The following LRP1 variants were observed in gnomAD, a reference collection of about 807,000 sequenced individuals.
LRP1 encodes the protein LDL receptor related protein 1.
In LRP1, 51 loss-of-function variants were observed where a neutral mutation model predicts 541.5. The observed-to-expected ratio is 0.09, with a 90% CI of 0.08 to 0.12. LRP1 has a LOEUF of 0.12. Among genes scored for constraint, LRP1 ranks in the 10% least tolerant of loss-of-function variants. The pLI is 1.00. For missense variants in LRP1, 3,878 were observed against 6,376.2 expected (o/e 0.61, Z 13.34); for synonymous variants, 2,219 against 2,470.8 (o/e 0.90, Z 3.02).
Position 57,199,420 on chromosome 12 carries a change from GA to G in LRP1, c.9865+21del. On this transcript the variant is annotated intron_variant, in intron 61 of 88. Coordinates refer to ENST00000243077, the MANE Select transcript of LRP1 (RefSeq NM_002332.3). ...CAGACGGTGAGCAGGCAAGGGGTGGGAGCAGGCGAACGGTGAGCCAGGCACC... is the reference window on the plus strand; with the variant it reads ...CAGACGGTGAGCAGGCAAGGGGTGGGGCAGGCGAACGGTGAGCCAGGCACC... 1 of 1,601,284 alleles carries G rather than the reference GA, an allele frequency of 6.2e-7. No homozygotes were observed.
chr12:57,181,344 C>T (rs2036163253), intron 34 of LRP1, 53 bp downstream of exon 34: 1 of 1,565,826 alleles, frequency 6.4e-7, no homozygotes, highest in East Asian at 2.2e-5. Flanking sequence ...ACCCTGACCC[C>T]TCCTACCCTA....
At chr12:57,202,737 TCA>T (rs1447338658) in intron 68 of LRP1, 200 bp downstream of exon 68, 15 of 607,084 alleles carry the variant, frequency 2.5e-5, no homozygotes, top group Non-Finnish European at 3.0e-5. Context: ...CTCTCCATTT[TCA>T]CACTGTCCTC....
Position 57,177,827 on chromosome 12 carries a change from A to C in LRP1, c.4361+236A>C, listed in dbSNP as rs1347169321. ...CATCAGCTGTGGTTATTCACACTGT[A>C]CCATCCTCTCCACTCACCTGTCCTC... is the stretch of plus-strand genomic sequence containing the variant. On this transcript the variant is annotated intron_variant, in intron 26 of 88. Coordinates refer to ENST00000243077, the MANE Select transcript of LRP1 (RefSeq NM_002332.3). The surrounding 1 kb of genome is among the most constrained non-coding windows in gnomAD (Gnocchi z 6.8). 6.6e-6 allele frequency among the ~76,000 whole-genome samples: 1 copy of C among 151,796 alleles called. No homozygotes were observed. Among genetic ancestry groups the C allele is most frequent in the Non-Finnish European group, 1.5e-5 (1 of 67,966 alleles).
chr12:57,203,632 A>G, intron 70 of LRP1, 111 bp downstream of exon 70: 2 of 1,319,574 alleles, frequency 1.5e-6, no homozygotes, highest in Non-Finnish European at 2.0e-6. Context: ...CATGCAACAA[A>G]TATTTATTAA....
rs546688938 is a variant in LRP1, at chr12:57,173,304, G to T, written c.3300G>T (p.Val1100=). 1.4e-5 allele frequency: 22 copies of T among 1,613,980 alleles called. No individual in the cohort carries two copies. The highest frequency in any genetic ancestry group is 1.8e-5 in the Non-Finnish European group (21 of 1,179,994). Residue 1100 remains valine, a synonymous_variant, in exon 21 of 89, where the codon GTG becomes GTT. Coordinates refer to ENST00000243077, the MANE Select transcript of LRP1 (RefSeq NM_002332.3). The surrounding 1 kb of genome is among the most constrained non-coding windows in gnomAD (Gnocchi z 4.7). ...GCGATGAGAAGAGCTGTGAGGGAGT[G>T]ACCCACGTCTGCGATCCCAGTGTCA... is the stretch of plus-strand genomic sequence containing the variant. ...DSSDEKSCEG[V]THVCDPSVKF... is the part of the protein sequence containing the mutation.
chr12:57,201,367 A>G lies in LRP1; in HGVS notation c.10346-130A>G. On this transcript the variant is annotated intron_variant, in intron 65 of 88. Coordinates refer to ENST00000243077, the MANE Select transcript of LRP1 (RefSeq NM_002332.3). The surrounding 1 kb of genome is among the most constrained non-coding windows in gnomAD (Gnocchi z 6.4). ...AACAAAAAGCACCAAAACTGGGGATAAACTGTTCCTTCCTCCGAAGAAGTT... is the reference window on the plus strand; with the variant it reads ...AACAAAAAGCACCAAAACTGGGGATGAACTGTTCCTTCCTCCGAAGAAGTT... 1.4e-6 allele frequency: 2 copies of G among 1,433,800 alleles called. No individual in the cohort carries two copies. The highest frequency in any genetic ancestry group is 2.8e-5 in the African/African-American group (2 of 70,514). 88.8% of individuals were successfully genotyped at this position (1,433,800 alleles called of 1,614,324 possible).
intron 18 of LRP1, 24 bp from the exon 19 acceptor site, chr12:57,167,420 T>A (rs1841103990): frequency 1.3e-6 from 2 of 1,565,342 alleles, no homozygotes; most frequent in Admixed American, 1.7e-5. Flanking sequence ...AAGGCCCTAC[T>A]CAGCTACTCT....
intron 18 of LRP1, 45 bp downstream of exon 18, chr12:57,167,091 G>A (rs917007189): frequency 1.3e-6 from 2 of 1,530,452 alleles, no homozygotes; most frequent in Non-Finnish European, 9.0e-7. Flanking sequence ...CTGGGGGAGG[G>A]GCATCCTGAG....
chr12:57,145,825 G>A (rs865956078), intron 6 of LRP1, among the ~76,000 whole-genome samples: 24 of 152,128 alleles, frequency 1.6e-4, no homozygotes, highest in Non-Finnish European at 2.8e-4. Context: ...TGCAGTGGGA[G>A]CCAAGGCTAG....
Position 57,177,560 on chromosome 12 carries a change from C to A in LRP1, c.4330C>A (p.Leu1444Met), listed in dbSNP as rs773730300. 3.1e-6 allele frequency: 5 copies of A among 1,613,956 alleles called. No individual in the cohort carries two copies. The South Asian group carries it at 5.5e-5, about 18-fold the overall frequency. Reference sequence around the variant, plus strand: ...GCCCAACGGGCTCACCGTGGACTACCTGGAGAAGCGCATCCTTTGGATTGA... The same window carrying A: ...GCCCAACGGGCTCACCGTGGACTACATGGAGAAGCGCATCCTTTGGATTGA... ...GWPNGLTVDYLEKRILWIDAR... is the reference protein window; with the variant it reads ...GWPNGLTVDYMEKRILWIDAR... Residue 1444 changes from leucine to methionine, a missense_variant, in exon 26 of 89, where the codon CTG (leucine) becomes ATG (methionine). Leu to Met is a conservative substitution (Grantham distance 15). Around this residue, in one of 13 missense-constraint regions of LRP1, gnomAD observed 54 missense variants for 167.7 expected, o/e 0.32. Coordinates refer to ENST00000243077, the MANE Select transcript of LRP1 (RefSeq NM_002332.3). This position sits in a 1 kb window ranked among gnomAD's most constrained non-coding sequence, Gnocchi z 6.8.
At chr12:57,130,855 G>A (rs958447101) in intron 1 of LRP1, among the ~76,000 whole-genome samples, 8 of 152,058 alleles carry the variant, frequency 5.3e-5, no homozygotes, top group Non-Finnish European at 1.0e-4. Flanking sequence ...GTTCACCCAC[G>A]CCCCCTCTGT....
At chr12:57,176,409 C>T (rs1345791819) in intron 24 of LRP1, among the ~76,000 whole-genome samples, 1 of 152,212 alleles carries the variant, frequency 6.6e-6, no homozygotes, top group Non-Finnish European at 1.5e-5. Flanking sequence ...AGTGGCGTAC[C>T]TGAACGCTGC....
In LRP1 at chr12:57,154,453, C is replaced by T. The variant is rs144022751; in HGVS notation, c.1005-26C>T. 1 of 1,610,030 alleles carries T rather than the reference C, an allele frequency of 6.2e-7. No homozygotes were observed. The highest frequency in any genetic ancestry group is 8.5e-7 in the Non-Finnish European group (1 of 1,176,624). Reference sequence around the variant, plus strand: ...TAAGGAGGGTGCCCAATGTCCAGACCCCATTTAACATGCATCTTCCCACAG... The same window carrying T: ...TAAGGAGGGTGCCCAATGTCCAGACTCCATTTAACATGCATCTTCCCACAG... On this transcript the variant is annotated intron_variant, in intron 7 of 88. Transcript: ENST00000243077. This position sits in a 1 kb window ranked among gnomAD's most constrained non-coding sequence, Gnocchi z 4.6.
Position 57,179,211 on chromosome 12 carries a change from C to G in LRP1, c.4739-118C>G. 1.7e-6 allele frequency: 2 copies of G among 1,167,686 alleles called. No individual in the cohort carries two copies. Among genetic ancestry groups the G allele is most frequent in the Non-Finnish European group, 2.4e-6 (2 of 817,012 alleles). 72.3% of individuals were successfully genotyped at this position (1,167,686 alleles called of 1,614,324 possible). A position where few individuals can be genotyped will look rare whatever the true frequency, so the allele number is the denominator to read the frequency against. On this transcript the variant is annotated intron_variant, in intron 28 of 88. Transcript: ENST00000243077. The surrounding 1 kb of genome is among the most constrained non-coding windows in gnomAD (Gnocchi z 6.8). Reference sequence around the variant, plus strand: ...GGGGCTGCACCCAGCGGGGTATGTCCACGGAGCCAAGGGCCAGTAGCAAAC... The same window carrying G: ...GGGGCTGCACCCAGCGGGGTATGTCGACGGAGCCAAGGGCCAGTAGCAAAC...
rs370948569 is a variant in LRP1, at chr12:57,211,789, C to A, written c.13233C>A (p.His4411Gln). ...TGACAGGGCCCCGGTGTGAGGAGCA[C>A]GTCTTCAGCCAGCAGCAGCCAGGAC... ...PHMTGPRCEE[H>Q]VFSQQQPGHI... The change falls in exon 86 of 89, where the codon CAC becomes CAA. Residue 4411 changes from histidine (H) to glutamine (Q), a missense_variant. By Grantham distance (24) the His-to-Gln change is conservative. Coordinates refer to ENST00000243077, the MANE Select transcript of LRP1 (RefSeq NM_002332.3). This position sits in a 1 kb window ranked among gnomAD's most constrained non-coding sequence, Gnocchi z 4.3. The A allele has an allele frequency of 1.9e-6, 3 of 1,612,858 alleles. No homozygotes were observed. The highest frequency in any genetic ancestry group is 2.5e-6 in the Non-Finnish European group (3 of 1,179,942).
intron 76 of LRP1, 55 bp from the exon 77 acceptor site, chr12:57,207,983 G>T (rs2036822030): frequency 4.4e-6 from 7 of 1,583,994 alleles, no homozygotes; most frequent in Non-Finnish European, 6.0e-6. Context: ...TGGTGGCGGG[G>T]GGATAATGGC....
Position 57,143,721 on chromosome 12 carries a change from G to T in LRP1, c.371G>T (p.Cys124Phe). The change falls in exon 4 of 89, where the codon TGT becomes TTT. Residue 124 changes from cysteine to phenylalanine, a missense_variant. Coordinates refer to ENST00000243077, the MANE Select transcript of LRP1 (RefSeq NM_002332.3). ...TCTCGCCTGGGCTGCCAGCACCATT[G>T]TGTCCCCACACTCGATGGGCCCACC... ...NCSRLGCQHH[C>F]VPTLDGPTCY... 1 of 1,614,174 alleles carries T rather than the reference G, an allele frequency of 6.2e-7. No homozygotes were observed.
chr12:57,164,823 G>GTGGCTGGGGTCAGGAGAGGGCGT lies in LRP1; in HGVS notation c.2531-975_2531-953dup, dbSNP rs1555183285. On this transcript the variant is annotated intron_variant, in intron 15 of 88. Coordinates refer to ENST00000243077, the MANE Select transcript of LRP1 (RefSeq NM_002332.3). ...AGCCATAGTGTACACCTAGGAGGGAGTGGCTGGGGTCAGGAGAGGGCGTTG... is the reference window on the plus strand; with the variant it reads ...AGCCATAGTGTACACCTAGGAGGGAGTGGCTGGGGTCAGGAGAGGGCGTTGGCTGGGGTCAGGAGAGGGCGTTG... The GTGGCTGGGGTCAGGAGAGGGCGT allele has an allele frequency of 2.0e-4, 30 of 152,396 alleles. No individual in the cohort carries two copies. In the East Asian group the frequency reaches 5.0e-3, roughly 25 times the overall value. The allele number at this position is 152,396 out of a possible 1,614,324, so 9.4% of individuals were successfully genotyped here. A position where few individuals can be genotyped will look rare whatever the true frequency, so the allele number is the denominator to read the frequency against.
In LRP1 at chr12:57,200,848, C is replaced by T. The variant is rs746994080; in HGVS notation, c.10225+33C>T. 4.5e-6 allele frequency: 7 copies of T among 1,551,828 alleles called. No individual in the cohort carries two copies. In the Middle Eastern group the frequency reaches 5.4e-4, roughly 119 times the overall value. On this transcript the variant is annotated intron_variant, in intron 64 of 88. Transcript: ENST00000243077. ...GCTGCCCGCCCACCCTCCCTCCTTC[C>T]CCAGCATCTTCCCTGCCCCAGGATT...
Sources: allele counts gnomAD v4.1 joint callset (sites outside exome capture counted in the v4.1 genomes callset), GRCh38; gene constraint gnomAD v4.1.1; regional missense constraint gnomAD v4.1.1; non-coding constraint Gnocchi (gnomAD v3.1); transcripts MANE v1.5; gene names NCBI Gene and HGNC (gene_info 2026-07-23, HGNC 2026-07-21).